Variants in AFG2A observed in about 807,000 individuals in gnomAD.
The protein encoded by AFG2A is AAA ATPase AFG2A.
the AFG2A span, among the ~76,000 whole-genome samples, chr4:123,073,439 T>G: frequency 6.6e-6 from 1 of 152,158 alleles, no homozygotes. Flanking sequence ...TTGTCTCTTT[T>G]TCTATTTTTA....
At chr4:123,199,245 G>A in the AFG2A span, among the ~76,000 whole-genome samples, 1 of 152,132 alleles carries the variant, frequency 6.6e-6, no homozygotes, top group Non-Finnish European at 1.5e-5. Context: ...CTGGTTAGGA[G>A]TATGAAGTAG....
the AFG2A span, among the ~76,000 whole-genome samples, chr4:123,024,476 G>A: frequency 6.6e-6 from 1 of 152,176 alleles, no homozygotes; most frequent in African/African-American, 2.4e-5. Context: ...TGGTGTAAGC[G>A]TTTGCTCAAA....
At chr4:123,088,822 A>G in the AFG2A span, among the ~76,000 whole-genome samples, 2 of 152,152 alleles carry the variant, frequency 1.3e-5, no homozygotes, top group African/African-American at 4.8e-5. Flanking sequence ...CTTGCTGTTA[A>G]GTGGAACTGT....
chr4:123,255,715 CTATTTTTT>C, the AFG2A span, among the ~76,000 whole-genome samples: 2 of 103,908 alleles, frequency 1.9e-5, no homozygotes, highest in Non-Finnish European at 1.9e-5. Flanking sequence ...TACTGCTTTT[CTATTTTTT>C]TTTTTTTTTT....
chr4:123,108,295 A>G, the AFG2A span, among the ~76,000 whole-genome samples: 1,140 of 152,330 alleles, frequency 7.5e-3, 6 homozygotes, highest in Middle Eastern at 0.044. Flanking sequence ...CTTTTAGAGA[A>G]TTTATTCAGC....
At chr4:123,288,234 C>T in the AFG2A span, among the ~76,000 whole-genome samples, 2 of 151,996 alleles carry the variant, frequency 1.3e-5, no homozygotes, top group East Asian at 3.9e-4. Flanking sequence ...GAGAGCTCTT[C>T]CAAGGAGAGT....
At chr4:123,160,356 A>C in the AFG2A span, among the ~76,000 whole-genome samples, 116 of 152,320 alleles carry the variant, frequency 7.6e-4, no homozygotes, top group East Asian at 0.015. Context: ...AAACACAGAC[A>C]ACACAAATTA....
chr4:123,181,564 C>T, the AFG2A span, among the ~76,000 whole-genome samples: 1 of 152,114 alleles, frequency 6.6e-6, no homozygotes, highest in African/African-American at 2.4e-5. Flanking sequence ...GATTGTGCCA[C>T]TGCACTTCAT....
the AFG2A span, among the ~76,000 whole-genome samples, chr4:123,039,115 A>G: frequency 5.9e-5 from 9 of 152,224 alleles, no homozygotes; most frequent in South Asian, 1.7e-3. Context: ...TTCATCATCT[A>G]CAGAGAACAA....
At chr4:122,975,113 T>C in the AFG2A span, among the ~76,000 whole-genome samples, 1 of 152,210 alleles carries the variant, frequency 6.6e-6, no homozygotes. Flanking sequence ...ACATACTTGG[T>C]AATTTACAAA....
chr4:123,191,288 T>C, the AFG2A span, among the ~76,000 whole-genome samples: 2 of 152,104 alleles, frequency 1.3e-5, no homozygotes, highest in Non-Finnish European at 2.9e-5. Context: ...CTTCTCATAT[T>C]CCTATGAGAA....
the AFG2A span, among the ~76,000 whole-genome samples, chr4:123,197,137 G>A: frequency 2.0e-5 from 3 of 152,064 alleles, no homozygotes; most frequent in Non-Finnish European, 4.4e-5. Context: ...CTAAGTTTAC[G>A]GTAAGGAGCC....
chr4:122,923,418 G>A, the AFG2A span: 1 of 1,418,732 alleles, frequency 7.0e-7, no homozygotes. Flanking sequence ...GCGTGGCATG[G>A]GTCTGAGAGC....
the AFG2A span, among the ~76,000 whole-genome samples, chr4:123,041,302 T>A: frequency 8.6e-6 from 1 of 115,776 alleles, no homozygotes. Flanking sequence ...TTTGTATTTT[T>A]AGTAGAGACG....
the AFG2A span, chr4:123,056,250 A>AAAATAAGCATGCTAAAGGGAT: frequency 1.3e-6 from 1 of 746,430 alleles, no homozygotes; most frequent in Non-Finnish European, 2.0e-6. Context: ...ACAAACAGAG[A>AAAATAAGCATGCTAAAGGGAT]AAATAAGCAT....
At chr4:123,222,516 T>A in the AFG2A span, among the ~76,000 whole-genome samples, 2 of 152,052 alleles carry the variant, frequency 1.3e-5, no homozygotes, top group Admixed American at 6.6e-5. Flanking sequence ...AAGAGGAAAA[T>A]TTTTTTAGTT....
the AFG2A span, among the ~76,000 whole-genome samples, chr4:123,206,269 A>G: frequency 2.6e-5 from 4 of 152,106 alleles, no homozygotes; most frequent in South Asian, 2.1e-4. Context: ...TTTTTCCCAT[A>G]TAAACATCAG....
chr4:123,166,030 T>C, the AFG2A span, among the ~76,000 whole-genome samples: 1,126 of 152,362 alleles, frequency 7.4e-3, 5 homozygotes, highest in Middle Eastern at 0.041. Flanking sequence ...GGATTTGTTT[T>C]CTTATGTCCA....
chr4:123,299,223 GA>G, the AFG2A span, among the ~76,000 whole-genome samples: 3 of 152,076 alleles, frequency 2.0e-5, no homozygotes, highest in African/African-American at 7.2e-5. Context: ...AAGTAGGACA[GA>G]CTTGTGAAGT....
Sources: allele counts gnomAD v4.1 joint callset (sites outside exome capture counted in the v4.1 genomes callset), GRCh38; gene constraint gnomAD v4.1.1; transcripts MANE v1.5; gene names NCBI Gene and HGNC (gene_info 2026-07-23, HGNC 2026-07-21).